GLT1D1: variants seen among roughly 807,000 people sequenced by gnomAD.
GLT1D1 encodes the protein glycosyltransferase 1 domain-containing protein 1.
A neutral mutation model predicts 28.7 loss-of-function variants in GLT1D1; 21 were observed. That is an observed-to-expected ratio of 0.73 (90% CI 0.52 to 1.05). GLT1D1 has a LOEUF of 1.05. GLT1D1 is among the 50% of genes least tolerant of loss of function. GLT1D1 has a pLI of 0.00. For missense variants in GLT1D1, 343 were observed against 330.6 expected (o/e 1.04, Z -0.29); for synonymous variants, 147 against 124.8 (o/e 1.18, Z -1.19).
chr12:128,879,977 GT>G (rs1956997260), intron 2 of GLT1D1, among the ~76,000 whole-genome samples: 1 of 152,160 alleles, frequency 6.6e-6, no homozygotes, highest in Admixed American at 6.5e-5. Context: ...AGGCTGAAGT[GT>G]TTTCGATTAC....
intron 7 of GLT1D1, among the ~76,000 whole-genome samples, chr12:128,981,346 G>T (rs550650015): frequency 1.3e-5 from 2 of 152,304 alleles, no homozygotes; most frequent in South Asian, 4.1e-4. Flanking sequence ...CGGGGAAGGA[G>T]GGGGTTGGGT....
chr12:128,958,748 CAAAAAAAAAAAAA>C (rs71072431), intron 7 of GLT1D1, among the ~76,000 whole-genome samples: 2 of 42,666 alleles, frequency 4.7e-5, no homozygotes, highest in Non-Finnish European at 7.7e-5. Flanking sequence ...GACTCTGCCT[CAAAAAAAAAAAAA>C]AAAAAAAAAA....
intron 1 of GLT1D1, among the ~76,000 whole-genome samples, chr12:128,856,765 A>C (rs921675135): frequency 6.6e-6 from 1 of 152,142 alleles, no homozygotes; most frequent in African/African-American, 2.4e-5. Flanking sequence ...ACTAAAAAAA[A>C]CAAGAAAACA....
In GLT1D1 at chr12:128,923,890, CG is replaced by C. The variant is rs368952749; in HGVS notation, c.376-21435del. On this transcript the variant is annotated intron_variant, in intron 4 of 7. Transcript: ENST00000281703. Reference sequence around the variant, plus strand: ...TGTGAAGCAAATGTGTCTAAATTTACGCCTCTTTTTCAGAAACTTTTATTAC... The same window carrying C: ...TGTGAAGCAAATGTGTCTAAATTTACCCTCTTTTTCAGAAACTTTTATTAC... Among the ~76,000 whole-genome samples, 124 of 152,134 alleles carry C rather than the reference CG, an allele frequency of 8.2e-4. 1 individual carries two copies. The East Asian group carries it at 0.019, about 24-fold the overall frequency.
chr12:128,934,384 G>A (rs897701960), intron 4 of GLT1D1, among the ~76,000 whole-genome samples: 1 of 152,022 alleles, frequency 6.6e-6, no homozygotes, highest in African/African-American at 2.4e-5. Flanking sequence ...AGTAGAGACG[G>A]GGTTTTGCCA....
chr12:128,887,014 ATT>A (rs60745415), intron 2 of GLT1D1, among the ~76,000 whole-genome samples: 3,616 of 142,940 alleles, frequency 0.025, 48 homozygotes, highest in Middle Eastern at 0.044. Context: ...CCCAACCCAG[ATT>A]TTTTTTTTTT....
At chr12:128,908,361 T>C (rs867384203) in intron 4 of GLT1D1, among the ~76,000 whole-genome samples, 1,323 of 120,034 alleles carry the variant, frequency 0.011, 24 homozygotes, top group African/African-American at 0.036. Flanking sequence ...TCTTTCTTTC[T>C]TTTCTTTCTT....
intron 7 of GLT1D1, among the ~76,000 whole-genome samples, chr12:128,972,505 G>A (rs1879283171): frequency 6.6e-6 from 1 of 152,142 alleles, no homozygotes; most frequent in African/African-American, 2.4e-5. Flanking sequence ...GTGACTGGGT[G>A]CTCCTCCTTT....
chr12:128,934,198 C>CTTTT (rs1228657723), intron 4 of GLT1D1, among the ~76,000 whole-genome samples: 9 of 73,428 alleles, frequency 1.2e-4, no homozygotes, highest in South Asian at 4.8e-4. Flanking sequence ...AAGAGACAGT[C>CTTTT]TTTTTTTTTT....
intron 4 of GLT1D1, among the ~76,000 whole-genome samples, chr12:128,904,022 C>A (rs1837172827): frequency 6.6e-6 from 1 of 151,790 alleles, no homozygotes; most frequent in Admixed American, 6.6e-5. Context: ...GCCACTGTGC[C>A]CGGCCAGAAC....
intron 1 of GLT1D1, among the ~76,000 whole-genome samples, chr12:128,857,791 G>A (rs545784338): frequency 3.3e-5 from 5 of 152,326 alleles, no homozygotes; most frequent in African/African-American, 1.2e-4. Context: ...AAGAAAAAAA[G>A]AAGGGGTTCT....
At chr12:128,939,077 C>A (rs1259913950) in intron 4 of GLT1D1, among the ~76,000 whole-genome samples, 1 of 152,064 alleles carries the variant, frequency 6.6e-6, no homozygotes, top group Admixed American at 6.5e-5. Context: ...GAGATCATTG[C>A]ACAAGACGAG....
intron 4 of GLT1D1, among the ~76,000 whole-genome samples, chr12:128,931,917 G>GCGCACACACACACACA (rs1873945966): frequency 9.9e-5 from 14 of 141,102 alleles, no homozygotes; most frequent in Admixed American, 2.8e-4. Context: ...ACACACGCAC[G>GCGCACACACACACACA]CACACACACA....
chr12:128,980,160 C>A lies in GLT1D1; in HGVS notation c.640-2769C>A, dbSNP rs536752373. On this transcript the variant is annotated intron_variant, in intron 7 of 7. Coordinates refer to ENST00000281703, the MANE Select transcript of GLT1D1 (RefSeq NM_144669.3). ...CCACCCTGTCGAGGGAGCCACATCC[C>A]GGGACCTTTGCCATATTCTGTTGGT... 2.4e-4 allele frequency among the ~76,000 whole-genome samples: 37 copies of A among 152,298 alleles called. 1 individual carries two copies. Among genetic ancestry groups the A allele is most frequent in the African/African-American group, 8.2e-4 (34 of 41,566 alleles).
chr12:128,973,768 A>G (rs977861174), intron 7 of GLT1D1, among the ~76,000 whole-genome samples: 1 of 152,004 alleles, frequency 6.6e-6, no homozygotes, highest in Non-Finnish European at 1.5e-5. Context: ...GTGTGTTGAA[A>G]TGGCTAGTGT....
chr12:128,935,045 G>C (rs1874399798), intron 4 of GLT1D1, among the ~76,000 whole-genome samples: 1 of 152,132 alleles, frequency 6.6e-6, no homozygotes, highest in Non-Finnish European at 1.5e-5. Flanking sequence ...CCCCGCCTGG[G>C]TCATAGCCCA....
At chr12:128,906,834 A>G (rs1179671313) in intron 4 of GLT1D1, 2 of 688,184 alleles carry the variant, frequency 2.9e-6, no homozygotes, top group Admixed American at 2.1e-5. Context: ...TTGCTGTGTT[A>G]GGCAAAACCT....
chr12:128,914,779 C>G, intron 4 of GLT1D1, 154 bp from the exon 6 acceptor site: 3 of 579,968 alleles, frequency 5.2e-6, no homozygotes, highest in Non-Finnish European at 9.1e-6. Flanking sequence ...GAGATCGTGG[C>G]ACTGCACTGC....
chr12:128,871,528 G>A (rs527824), intron 1 of GLT1D1, among the ~76,000 whole-genome samples: 42,099 of 152,016 alleles, frequency 0.28, 6,711 homozygotes, highest in African/African-American at 0.43. Context: ...GACACTTTAC[G>A]TTATGAAAAA....
Sources: gnomAD v4.1 joint callset for allele counts (sites outside exome capture counted in the v4.1 genomes callset) on GRCh38, gnomAD v4.1.1 for gene constraint, MANE v1.5 for transcripts, NCBI Gene and HGNC (gene_info 2026-07-23, HGNC 2026-07-21) for gene names.